The following COL19A1 variants were observed in gnomAD, a reference collection of about 807,000 sequenced individuals.
The protein encoded by COL19A1 is collagen alpha-1(XIX) chain.
In COL19A1, 159 loss-of-function variants were observed where a neutral mutation model predicts 190.2. The observed-to-expected ratio is 0.84, with a 90% CI of 0.73 to 0.95. The LOEUF is 0.95. Ranked by LOEUF, COL19A1 falls within the 40% of genes least tolerant of loss-of-function variation. The pLI, the probability that COL19A1 is intolerant of heterozygous loss-of-function variation, is 0.00. For missense variants in COL19A1, 1,418 were observed against 1,431.9 expected, an observed-to-expected ratio of 0.99 and a Z score of 0.16; for synonymous variants, 509 against 458.9, an observed-to-expected ratio of 1.11 and a Z score of -1.39.
intron 14 of COL19A1, among the ~76,000 whole-genome samples, chr6:70,062,067 A>G (rs1350796457): frequency 6.6e-6 from 1 of 151,920 alleles, no homozygotes; most frequent in African/African-American, 2.4e-5. Context: ...TCCTACCTAA[A>G]TCAATAAAAC....
At position 69,907,825 on chromosome 6, in the gene COL19A1, C is replaced by A. The variant is rs545230404; in HGVS notation, c.266+7487C>A. Among the ~76,000 whole-genome samples the A allele has an allele frequency of 5.3e-5, 8 of 152,340 alleles. 1 individual carries two copies. In the East Asian group the frequency reaches 1.5e-3, roughly 29 times the overall value. On this transcript the variant is annotated intron_variant, in intron 4 of 50. Transcript: ENST00000620364. ...GTCTAGAGCTTATCCTTTTACTCAGCAAGCATTTGTTGAGTGTCACCATGG... is the reference window on the plus strand; with the variant it reads ...GTCTAGAGCTTATCCTTTTACTCAGAAAGCATTTGTTGAGTGTCACCATGG...
chr6:69,922,253 A>G (rs1772023001), intron 4 of COL19A1, among the ~76,000 whole-genome samples: 1 of 151,940 alleles, frequency 6.6e-6, no homozygotes, highest in Admixed American at 6.6e-5. Context: ...AAAGGGAAAT[A>G]TAGTAATTAT....
At chr6:69,999,550 T>C (rs527964044) in intron 11 of COL19A1, among the ~76,000 whole-genome samples, 49 of 152,180 alleles carry the variant, frequency 3.2e-4, no homozygotes, top group African/African-American at 1.1e-3. Flanking sequence ...AAATTTTTTT[T>C]GATTACATTT....
chr6:70,054,115 C>T (rs1027541829), intron 14 of COL19A1, among the ~76,000 whole-genome samples: 5 of 152,212 alleles, frequency 3.3e-5, no homozygotes, highest in East Asian at 3.9e-4. Flanking sequence ...TTTGGAAGGC[C>T]GAGGCAGGTG....
chr6:70,171,472 C>T (rs755735797), intron 40 of COL19A1, among the ~76,000 whole-genome samples: 1 of 152,134 alleles, frequency 6.6e-6, no homozygotes, highest in Non-Finnish European at 1.5e-5. Flanking sequence ...AGATAATGAT[C>T]CTGGGGTCAA....
At chr6:70,142,652 A>G in intron 22 of COL19A1, 115 bp from the exon 23 acceptor site, 1 of 801,388 alleles carries the variant, frequency 1.2e-6, no homozygotes, top group Non-Finnish European at 2.0e-6. Flanking sequence ...GGGATGGTGG[A>G]AAGTTGGTCT....
At chr6:70,116,893 A>G (rs1784611468) in intron 16 of COL19A1, among the ~76,000 whole-genome samples, 1 of 152,218 alleles carries the variant, frequency 6.6e-6, no homozygotes, top group Non-Finnish European at 1.5e-5. Flanking sequence ...CCACAGGGCC[A>G]AAAGCAGCTG....
At chr6:70,093,943 C>T (rs550517449) in intron 15 of COL19A1, among the ~76,000 whole-genome samples, 9 of 152,186 alleles carry the variant, frequency 5.9e-5, no homozygotes, top group Non-Finnish European at 1.2e-4. Context: ...AAGATCCCAG[C>T]CTCAATAATG....
At position 70,070,163 on chromosome 6, in the gene COL19A1, A is replaced by G. The variant is rs191431857; in HGVS notation, c.1224+1687A>G. On this transcript the variant is annotated intron_variant, in intron 15 of 50. Transcript: ENST00000620364. ...GACAGACTTGTTAGATACTGGGTGAACTGAAAAAATATTTAAATGAGGCTT... is the reference window on the plus strand; with the variant it reads ...GACAGACTTGTTAGATACTGGGTGAGCTGAAAAAATATTTAAATGAGGCTT... Among the ~76,000 whole-genome samples, 7 of 152,276 alleles carry G rather than the reference A, an allele frequency of 4.6e-5. No individual in the cohort carries two copies. The East Asian group carries it at 1.3e-3, about 29-fold the overall frequency.
intron 14 of COL19A1, among the ~76,000 whole-genome samples, chr6:70,037,891 A>G (rs1415492981): frequency 6.6e-6 from 1 of 152,222 alleles, no homozygotes; most frequent in Non-Finnish European, 1.5e-5. Context: ...GTCTAAAAAT[A>G]CGACAAGGAA....
intron 14 of COL19A1, among the ~76,000 whole-genome samples, chr6:70,040,329 T>A (rs1243694188): frequency 6.6e-6 from 1 of 152,102 alleles, no homozygotes; most frequent in Admixed American, 6.6e-5. Flanking sequence ...AAGGTAAAAT[T>A]GAGGAAATGG....
intron 48 of COL19A1, among the ~76,000 whole-genome samples, chr6:70,196,679 C>T (rs1318850423): frequency 6.6e-6 from 1 of 152,208 alleles, no homozygotes; most frequent in Non-Finnish European, 1.5e-5. Flanking sequence ...GTTAGAGTGA[C>T]TGCTGTGGCT....
At chr6:69,904,486 C>A (rs1200425617) in intron 4 of COL19A1, among the ~76,000 whole-genome samples, 1 of 152,122 alleles carries the variant, frequency 6.6e-6, no homozygotes, top group African/African-American at 2.4e-5. Flanking sequence ...AGTGGCCAGG[C>A]AGGGAGGGGC....
chr6:70,144,930 G>T lies in COL19A1; in HGVS notation c.1693G>T (p.Gly565Trp). The T allele has an allele frequency of 6.3e-7, 1 of 1,578,596 alleles. No homozygotes were observed. Residue 565 changes from glycine (G) to tryptophan (W), a missense_variant, in exon 25 of 51, where the codon GGG (glycine) becomes TGG (tryptophan). Physicochemically the swap from Gly to Trp is radical, Grantham distance 184 (BLOSUM62 -2). Transcript: ENST00000620364. Reference protein sequence around the residue: ...GIKGEKGDPGGIIGPPGLPGP... With the variant: ...GIKGEKGDPGWIIGPPGLPGP... The stretch of plus-strand genomic sequence containing the variant: ...TTGTTTTCTACAGGGAGATCCGGGT[G>T]GGATCATAGGCCCTCCCGGGCTTCC...
In COL19A1 at chr6:70,211,668, G is replaced by A. The variant is rs574451716; in HGVS notation, c.*4394G>A. ...TCTTAAATTTATTCAACTACTAAAA[G>A]TCTCAGGCAATAGGACAGATGAGTG... On this transcript the variant is annotated 3_prime_UTR_variant, in exon 51 of 51. Transcript: ENST00000620364. Among the ~76,000 whole-genome samples, 8 of 151,446 alleles carry A rather than the reference G, an allele frequency of 5.3e-5. No homozygotes were observed. The highest frequency in any genetic ancestry group is 1.9e-4 in the African/African-American group (8 of 41,260).
At chr6:70,140,369 TA>T (rs1413396326) in intron 19 of COL19A1, among the ~76,000 whole-genome samples, 5 of 152,264 alleles carry the variant, frequency 3.3e-5, no homozygotes, top group South Asian at 2.1e-4. Context: ...ATTGCTGTAT[TA>T]TTTTTTATTG....
intron 9 of COL19A1, among the ~76,000 whole-genome samples, chr6:69,951,079 G>A (rs966994967): frequency 4.6e-5 from 7 of 151,670 alleles, no homozygotes; most frequent in Non-Finnish European, 8.8e-5. Flanking sequence ...ATTTTAATAG[G>A]AAAACTTTTA....
In COL19A1 at chr6:69,982,227, T is replaced by A. The variant is rs531573157; in HGVS notation, c.1026+19357T>A. Among the ~76,000 whole-genome samples the A allele has an allele frequency of 2.6e-5, 4 of 151,636 alleles. No individual in the cohort carries two copies. In the South Asian group the frequency reaches 8.4e-4, roughly 32 times the overall value. ...CATTTTTTGAGATGGAGTCTTGCTC[T>A]GTCTCCCAGGCTGGAGTGCAGTGGC... On this transcript the variant is annotated intron_variant, in intron 11 of 50. Coordinates refer to ENST00000620364, the MANE Select transcript of COL19A1 (RefSeq NM_001858.6).
intron 15 of COL19A1, among the ~76,000 whole-genome samples, chr6:70,085,338 G>A (rs1278292659): frequency 2.7e-5 from 4 of 150,848 alleles, no homozygotes; most frequent in Non-Finnish European, 5.9e-5. Context: ...AATAGGGAAA[G>A]CACTGTATCT....
Sources: allele counts gnomAD v4.1 joint callset (sites outside exome capture counted in the v4.1 genomes callset), GRCh38; gene constraint gnomAD v4.1.1; transcripts MANE v1.5; gene names NCBI Gene and HGNC (gene_info 2026-07-23, HGNC 2026-07-21).